LAMA4: variants seen among roughly 807,000 people sequenced by gnomAD.
The protein encoded by LAMA4 is laminin subunit alpha 4.
In LAMA4, 127 loss-of-function variants were observed where a neutral mutation model predicts 207.1. The observed-to-expected ratio is 0.61, with a 90% confidence interval of 0.53 to 0.71. The LOEUF (loss-of-function observed/expected upper bound fraction) is 0.71, where lower values mean the gene tolerates loss of function less well. LAMA4 is among the 30% of genes least tolerant of loss of function. The pLI, the probability that LAMA4 is intolerant of heterozygous loss-of-function variation, is 0.00. For missense variants in LAMA4, 2,093 were observed against 2,246.5 expected (o/e 0.93, Z 1.38); for synonymous variants, 761 against 816.0 (o/e 0.93, Z 1.15).
chr6:112,217,454 T>A (rs1784693780), intron 2 of LAMA4, among the ~76,000 whole-genome samples: 1 of 152,148 alleles, frequency 6.6e-6, no homozygotes. Flanking sequence ...GTCCAAGATT[T>A]CACATCATAC....
chr6:112,239,040 G>C (rs1786157654), intron 2 of LAMA4, among the ~76,000 whole-genome samples: 1 of 152,164 alleles, frequency 6.6e-6, no homozygotes, highest in Admixed American at 6.5e-5. Flanking sequence ...GATTAAATGG[G>C]CTGGGTGCGG....
intron 24 of LAMA4, among the ~76,000 whole-genome samples, chr6:112,138,411 C>G (rs2114686703): frequency 6.6e-6 from 1 of 152,222 alleles, no homozygotes; most frequent in East Asian, 1.9e-4. Flanking sequence ...TAGGACAAGA[C>G]TTTTGAATCA....
At position 112,216,360 on chromosome 6, in the gene LAMA4, C is replaced by G. The variant is rs200595773; in HGVS notation, c.297+8G>C. Reference sequence around the variant, plus strand: ...AGTACGTGAAGTGTTATAGGTGCCCCAACTTACCACACAGTATCCTGAGCC... The same window carrying G: ...AGTACGTGAAGTGTTATAGGTGCCCGAACTTACCACACAGTATCCTGAGCC... On this transcript the variant is annotated splice_region_variant and intron_variant, in intron 3 of 38. Transcript: ENST00000230538. 1 of 1,587,600 alleles carries G rather than the reference C, an allele frequency of 6.3e-7. No individual in the cohort carries two copies. Among genetic ancestry groups the G allele is most frequent in the Non-Finnish European group, 8.7e-7 (1 of 1,155,828 alleles).
chr6:112,246,101 C>A (rs756417764), intron 2 of LAMA4, among the ~76,000 whole-genome samples: 8 of 152,112 alleles, frequency 5.3e-5, no homozygotes, highest in South Asian at 2.1e-4. Flanking sequence ...GGTTAAACTT[C>A]CCTTTAGTAA....
At position 112,178,134 on chromosome 6, in the gene LAMA4, C is replaced by T; in HGVS notation, c.1176G>A (p.Arg392=). ...SQLVEQAHDM[R]DKIQEINNKM... is the part of the protein sequence containing the mutation. Reference sequence around the variant, plus strand: ...GAATATATTTACCTTGGATTTTATCCCTCATATCATGGGCTTGCTCTACCA... The same window carrying T: ...GAATATATTTACCTTGGATTTTATCTCTCATATCATGGGCTTGCTCTACCA... Residue 392 remains arginine, a synonymous_variant, in exon 10 of 39, where the codon AGG becomes AGA. Transcript: ENST00000230538. 6.2e-7 allele frequency: 1 copy of T among 1,609,428 alleles called. No individual in the cohort carries two copies.
At chr6:112,228,899 C>G (rs960079708) in intron 2 of LAMA4, among the ~76,000 whole-genome samples, 3 of 152,138 alleles carry the variant, frequency 2.0e-5, no homozygotes. Context: ...CCAGCACACC[C>G]TCGTTCTCAG....
intron 31 of LAMA4, among the ~76,000 whole-genome samples, chr6:112,128,636 C>T (rs1435258404): frequency 6.6e-6 from 1 of 152,176 alleles, no homozygotes; most frequent in African/African-American, 2.4e-5. Flanking sequence ...GACATGCTAT[C>T]ACTCTGATTT....
chr6:112,215,792 C>T (rs782527807), intron 3 of LAMA4, among the ~76,000 whole-genome samples: 38 of 152,150 alleles, frequency 2.5e-4, no homozygotes, highest in Non-Finnish European at 3.7e-4. Flanking sequence ...GAAGAACAGT[C>T]TATTGGAGAA....
Position 112,254,059 on chromosome 6 carries a change from G to A in LAMA4, c.92C>T (p.Ala31Val), listed in dbSNP as rs782705643. 2 of 1,607,258 alleles carry A rather than the reference G, an allele frequency of 1.2e-6. No individual in the cohort carries two copies. The highest frequency in any genetic ancestry group is 3.4e-5 in the Admixed American group (2 of 58,838). Reference protein sequence around the residue: ...CSRAASGDDNAFPFDIEGSSA... With the variant: ...CSRAASGDDNVFPFDIEGSSA... The stretch of plus-strand genomic sequence containing the variant: ...GCTCCCTTCAATGTCAAAAGGAAAA[G>A]CGTTGTCGTCCCCGGACGCGGCGCG... The change falls in exon 2 of 39, where the codon GCT (alanine) becomes GTT (valine). Residue 31 changes from alanine to valine, a missense_variant. Coordinates refer to ENST00000230538, the MANE Select transcript of LAMA4 (RefSeq NM_001105206.3).
rs1778077751 is a variant in LAMA4 at position 112,117,326 on chromosome 6, AG to A, written c.4981+412del. The stretch of plus-strand genomic sequence containing the variant: ...AAAAGCCAGAAATAAAAATTTCTGA[AG>A]GATAACGTTGTCTGCTGGTGTTGCA... On this transcript the variant is annotated intron_variant, in intron 35 of 38. Transcript: ENST00000230538. This position sits in a 1 kb window ranked among gnomAD's most constrained non-coding sequence, Gnocchi z 4.5. Among the ~76,000 whole-genome samples, 1 of 152,176 alleles carries A rather than the reference AG, an allele frequency of 6.6e-6. No individual in the cohort carries two copies. Among genetic ancestry groups the A allele is most frequent in the Non-Finnish European group, 1.5e-5 (1 of 68,032 alleles).
At chr6:112,187,286 AT>A in intron 8 of LAMA4, 163 bp downstream of exon 8, 1 of 831,704 alleles carries the variant, frequency 1.2e-6, no homozygotes, top group Admixed American at 2.0e-5. Context: ...ACTTTTCATA[AT>A]TTCCTATGAA....
chr6:112,240,253 T>C (rs1181352293), intron 2 of LAMA4, among the ~76,000 whole-genome samples: 1 of 152,214 alleles, frequency 6.6e-6, no homozygotes, highest in Non-Finnish European at 1.5e-5. Flanking sequence ...TTTTAATCTT[T>C]GTATTTTTTT....
intron 8 of LAMA4, among the ~76,000 whole-genome samples, chr6:112,185,632 AGGTACAATATAGGCTGGTGGT>A (rs1782640602): frequency 1.3e-5 from 2 of 152,174 alleles, no homozygotes; most frequent in Admixed American, 6.5e-5. Flanking sequence ...ATTTGTACAA[AGGTACAATATAGGCTGGTGGT>A]GGCCCTGGGT....
chr6:112,178,363 AC>A (rs1782147147), intron 9 of LAMA4, 131 bp from the exon 10 acceptor site: 3 of 699,262 alleles, frequency 4.3e-6, no homozygotes, highest in Non-Finnish European at 7.7e-6. Context: ...GTTCTATAAC[AC>A]ATGAAATCAT....
At position 112,142,200 on chromosome 6, in the gene LAMA4, G is replaced by T; in HGVS notation, c.2586C>A (p.Ser862Arg). The T allele has an allele frequency of 6.2e-7, 1 of 1,614,104 alleles. No individual in the cohort carries two copies. The highest frequency in any genetic ancestry group is 8.5e-7 in the Non-Finnish European group (1 of 1,180,002). ...GCTTCACAGGGGGTTTCATGTACAG[G>T]CTCAGAGACGTGAAGGCCTTTAAGT... is the stretch of plus-strand genomic sequence containing the variant. ...MDDLKAFTSL[S>R]LYMKPPVKRP... is the part of the protein sequence containing the mutation. The change falls in exon 20 of 39, where the codon AGC (serine) becomes AGA (arginine). Residue 862 changes from serine to arginine, a missense_variant. Coordinates refer to ENST00000230538, the MANE Select transcript of LAMA4 (RefSeq NM_001105206.3).
At chr6:112,137,422 T>C (rs537687428) in intron 24 of LAMA4, among the ~76,000 whole-genome samples, 2 of 152,308 alleles carry the variant, frequency 1.3e-5, no homozygotes, top group Non-Finnish European at 2.9e-5. Context: ...CACTAAAAAA[T>C]CTAAAATAGA....
chr6:112,239,498 C>T (rs1410497719), intron 2 of LAMA4, among the ~76,000 whole-genome samples: 1 of 152,076 alleles, frequency 6.6e-6, no homozygotes, highest in Admixed American at 6.6e-5. Flanking sequence ...AAAGAGATGC[C>T]TGCACATTAA....
rs370594348 is a variant in LAMA4, at chr6:112,189,095, T to C, written c.814+15A>G. The C allele has an allele frequency of 6.4e-7, 1 of 1,559,482 alleles. No individual in the cohort carries two copies. Among genetic ancestry groups the C allele is most frequent in the Non-Finnish European group, 8.8e-7 (1 of 1,130,450 alleles). On this transcript the variant is annotated intron_variant, in intron 7 of 38. Coordinates refer to ENST00000230538, the MANE Select transcript of LAMA4 (RefSeq NM_001105206.3). ...GAGAAAGTGGGGTTAGTCAATCATGTACTGTTATTTTTACTTATGGTTGGG... is the reference window on the plus strand; with the variant it reads ...GAGAAAGTGGGGTTAGTCAATCATGCACTGTTATTTTTACTTATGGTTGGG...
At chr6:112,152,402 C>G (rs1256797459) in intron 16 of LAMA4, among the ~76,000 whole-genome samples, 2 of 151,904 alleles carry the variant, frequency 1.3e-5, no homozygotes, top group African/African-American at 4.8e-5. Flanking sequence ...TAAAATTGTT[C>G]TTGAAAGCAC....
Sources: allele counts gnomAD v4.1 joint callset (sites outside exome capture counted in the v4.1 genomes callset), GRCh38; gene constraint gnomAD v4.1.1; non-coding constraint Gnocchi (gnomAD v3.1); transcripts MANE v1.5; gene names NCBI Gene and HGNC (gene_info 2026-07-23, HGNC 2026-07-21).